DPY19L2: variants seen among roughly 807,000 people sequenced by gnomAD.
The protein encoded by DPY19L2 is dpy-19 like 2, also known as probable C-mannosyltransferase DPY19L2.
In DPY19L2, 34 loss-of-function variants were observed where a neutral mutation model predicts 97.9. That is an observed-to-expected ratio of 0.35 (90% confidence interval 0.26 to 0.46). The LOEUF is 0.46. DPY19L2 is among the 20% of genes least tolerant of loss of function. The pLI is 1.00. For missense variants in DPY19L2, 623 were observed against 911.4 expected (o/e 0.68, Z 4.07); for synonymous variants, 230 against 307.9 (o/e 0.75, Z 2.65).
intron 18 of DPY19L2, among the ~76,000 whole-genome samples, chr12:63,581,479 C>CTTTTTTT (rs71086686): frequency 2.2e-5 from 2 of 91,838 alleles, no homozygotes; most frequent in African/African-American, 4.4e-5. Context: ...CCAGGAAACT[C>CTTTTTTT]TTTTTTTTTT....
At chr12:63,626,840 G>T (rs1032280587) in intron 6 of DPY19L2, among the ~76,000 whole-genome samples, 2 of 151,894 alleles carry the variant, frequency 1.3e-5, no homozygotes, top group East Asian at 3.9e-4. Flanking sequence ...GTGCAGTGTC[G>T]AAATCTCAGC....
chr12:63,588,155 T>C (rs1215884693), intron 16 of DPY19L2, among the ~76,000 whole-genome samples: 4 of 152,094 alleles, frequency 2.6e-5, no homozygotes, highest in African/African-American at 7.2e-5. Flanking sequence ...ATTAATAAAA[T>C]GGAGAACAAC....
rs1876125269 is a variant in DPY19L2, at chr12:63,559,707, A to C, written c.*805T>G. Reference sequence around the variant, plus strand: ...CTAGGATCTGAAAATCTCACTTCATAAATTTAACTGGATTTTCTTTTCTGA... The same window carrying C: ...CTAGGATCTGAAAATCTCACTTCATCAATTTAACTGGATTTTCTTTTCTGA... On this transcript the variant is annotated 3_prime_UTR_variant, in exon 22 of 22. Coordinates refer to ENST00000324472, the MANE Select transcript of DPY19L2 (RefSeq NM_173812.5). 1 of 152,156 alleles carries C rather than the reference A, an allele frequency of 6.6e-6. No individual in the cohort carries two copies. The highest frequency in any genetic ancestry group is 6.5e-5 in the Admixed American group (1 of 15,276). The allele number at this position is 152,156 out of a possible 1,614,324, so 9.4% of individuals were successfully genotyped here. A position where few individuals can be genotyped will look rare whatever the true frequency, so the allele number is the denominator to read the frequency against.
At position 63,590,554 on chromosome 12, in the gene DPY19L2, A is replaced by G. The variant is rs1384005529; in HGVS notation, c.1580+3533T>C. ...CAGTCACGCATGATGGTCAACAATA[A>G]AATCCTAAGACCATTATAAAATATA... On this transcript the variant is annotated intron_variant, in intron 16 of 21. Coordinates refer to ENST00000324472, the MANE Select transcript of DPY19L2 (RefSeq NM_173812.5). Among the ~76,000 whole-genome samples, 4 of 152,138 alleles carry G rather than the reference A, an allele frequency of 2.6e-5. No individual in the cohort carries two copies. In the East Asian group the frequency reaches 7.7e-4, roughly 29 times the overall value.
At chr12:63,613,827 G>A (rs550338412) in intron 11 of DPY19L2, among the ~76,000 whole-genome samples, 37 of 152,114 alleles carry the variant, frequency 2.4e-4, no homozygotes, top group Middle Eastern at 6.8e-3. Context: ...CGTTTATAAC[G>A]TATCAAAACT....
intron 16 of DPY19L2, among the ~76,000 whole-genome samples, chr12:63,585,947 G>A (rs1484957185): frequency 6.6e-6 from 1 of 152,130 alleles, no homozygotes; most frequent in East Asian, 1.9e-4. Context: ...GAAAGTTGAA[G>A]AGCAAAATGT....
At position 63,655,879 on chromosome 12, in the gene DPY19L2, T is replaced by C. The variant is rs146254002; in HGVS notation, c.588+5465A>G. On this transcript the variant is annotated intron_variant, in intron 4 of 21. Transcript: ENST00000324472. ...TCTGTGTTAAAATGTCTGTAAGCAA[T>C]TGCAAATACCCTTGCTAACCCATAC... is the stretch of plus-strand genomic sequence containing the variant. Among the ~76,000 whole-genome samples the C allele has an allele frequency of 9.2e-5, 14 of 152,232 alleles. 1 individual carries two copies. The East Asian group carries it at 2.7e-3, about 29-fold the overall frequency.
intron 11 of DPY19L2, among the ~76,000 whole-genome samples, chr12:63,614,620 TGATATTCTATC>T (rs1190042599): frequency 6.6e-6 from 1 of 152,132 alleles, no homozygotes; most frequent in African/African-American, 2.4e-5. Context: ...AATGGATATA[TGATATTCTATC>T]ATCCCCTGGC....
intron 21 of DPY19L2, among the ~76,000 whole-genome samples, chr12:63,562,798 C>CTTTT (rs59380942): frequency 5.7e-5 from 8 of 139,612 alleles, no homozygotes; most frequent in Admixed American, 1.4e-4. Context: ...TCCTTTTGTC[C>CTTTT]TTTTTTTTTT....
intron 17 of DPY19L2, among the ~76,000 whole-genome samples, chr12:63,583,414 T>C (rs1283428902): frequency 6.6e-6 from 1 of 152,210 alleles, no homozygotes; most frequent in Non-Finnish European, 1.5e-5. Flanking sequence ...CTTTAGTATC[T>C]TGTGTATCCT....
chr12:63,645,086 ATGTG>A (rs56147827), intron 5 of DPY19L2, among the ~76,000 whole-genome samples: 3 of 150,486 alleles, frequency 2.0e-5, no homozygotes, highest in Non-Finnish European at 3.0e-5. Context: ...ATAGAAGATC[ATGTG>A]TGTGTGTGTG....
chr12:63,668,622 C>G (rs1896619289), upstream of DPY19L2: 1 of 544,276 alleles, frequency 1.8e-6, no homozygotes, highest in African/African-American at 1.9e-5. Flanking sequence ...CCAGCGCGAG[C>G]AGCACCCCCG....
At chr12:63,632,205 T>C (rs901306830) in intron 6 of DPY19L2, among the ~76,000 whole-genome samples, 3 of 152,246 alleles carry the variant, frequency 2.0e-5, no homozygotes, top group South Asian at 2.1e-4. Context: ...TTGTTGGATG[T>C]TCTGGCCAGG....
chr12:63,662,758 T>A (rs1256378680), intron 3 of DPY19L2, among the ~76,000 whole-genome samples: 1 of 152,230 alleles, frequency 6.6e-6, no homozygotes, highest in East Asian at 1.9e-4. Context: ...ATATTTTATA[T>A]TCTGTCTTTG....
At chr12:63,616,258 A>G (rs1048324783) in intron 11 of DPY19L2, among the ~76,000 whole-genome samples, 4 of 152,160 alleles carry the variant, frequency 2.6e-5, no homozygotes, top group African/African-American at 9.7e-5. Flanking sequence ...TATCTGTACT[A>G]TATTTCAAAA....
intron 11 of DPY19L2, among the ~76,000 whole-genome samples, chr12:63,617,083 T>C (rs529570524): frequency 6.6e-6 from 1 of 152,296 alleles, no homozygotes; most frequent in Non-Finnish European, 1.5e-5. Flanking sequence ...TACTTTATGA[T>C]CATTTTTAAA....
At chr12:63,625,600 T>G (rs1269340648) in intron 7 of DPY19L2, among the ~76,000 whole-genome samples, 1 of 152,170 alleles carries the variant, frequency 6.6e-6, no homozygotes, top group Non-Finnish European at 1.5e-5. Flanking sequence ...AGCTCTTTTT[T>G]AGGTGGACTA....
rs561153878 is a variant in DPY19L2 at position 63,573,906 on chromosome 12, C to A, written c.1901-3049G>T. 9.9e-5 allele frequency among the ~76,000 whole-genome samples: 15 copies of A among 152,132 alleles called. 1 individual carries two copies. In the South Asian group the frequency reaches 3.1e-3, roughly 32 times the overall value. Reference sequence around the variant, plus strand: ...GCTGTGAAATTTCATTCACACCAGACCTACCTATAAGAAATGCTAAAGGGA... The same window carrying A: ...GCTGTGAAATTTCATTCACACCAGAACTACCTATAAGAAATGCTAAAGGGA... On this transcript the variant is annotated intron_variant, in intron 19 of 21. Transcript: ENST00000324472.
intron 9 of DPY19L2, among the ~76,000 whole-genome samples, chr12:63,620,588 T>A (rs1888530849): frequency 6.6e-6 from 1 of 152,184 alleles, no homozygotes; most frequent in Admixed American, 6.5e-5. Flanking sequence ...TATTATTTCA[T>A]AAAAATCATA....
Sources: gnomAD v4.1 joint callset for allele counts (sites outside exome capture counted in the v4.1 genomes callset) on GRCh38, gnomAD v4.1.1 for gene constraint, MANE v1.5 for transcripts, NCBI Gene and HGNC (gene_info 2026-07-23, HGNC 2026-07-21) for gene names.